WWTR1: variants seen among roughly 807,000 people sequenced by gnomAD.
WWTR1 encodes the protein WW domain-containing transcription regulator protein 1.
Under a neutral mutation model 40.1 loss-of-function variants are expected in WWTR1, and 13 were observed. The observed-to-expected ratio is 0.32, with a 90% confidence interval of 0.21 to 0.52. The LOEUF is 0.52. Ranked by LOEUF, WWTR1 falls within the 20% of genes least tolerant of loss-of-function variation. The probability of loss-of-function intolerance (pLI) is 0.97; values close to 1 mark genes in which losing one functional copy is unlikely to be tolerated. For missense variants in WWTR1, 436 were observed against 523.1 expected (o/e 0.83, Z 1.63); for synonymous variants, 230 against 210.1 (o/e 1.09, Z -0.82).
At chr3:149,564,964 G>A (rs1196563874) in intron 3 of WWTR1, among the ~76,000 whole-genome samples, 1 of 151,986 alleles carries the variant, frequency 6.6e-6, no homozygotes, top group African/African-American at 2.4e-5. Flanking sequence ...AGGCAGGTGG[G>A]TCACTTGAGG....
At chr3:149,617,836 A>C (rs1740060594) in intron 2 of WWTR1, among the ~76,000 whole-genome samples, 1 of 152,176 alleles carries the variant, frequency 6.6e-6, no homozygotes. Flanking sequence ...TCCATAAATC[A>C]TACCAATATT....
intron 1 of WWTR1, among the ~76,000 whole-genome samples, chr3:149,681,391 A>G (rs1384130086): frequency 6.6e-6 from 1 of 152,158 alleles, no homozygotes; most frequent in Non-Finnish European, 1.5e-5. Flanking sequence ...GTGAGGTGAT[A>G]CCTCATTGTG....
chr3:149,691,803 T>G (rs1361886195), intron 1 of WWTR1, among the ~76,000 whole-genome samples: 3 of 151,828 alleles, frequency 2.0e-5, no homozygotes, highest in Admixed American at 2.0e-4. Context: ...GATCACGAGG[T>G]CAGGAGATCG....
chr3:149,649,339 C>T (rs117623209), intron 2 of WWTR1, among the ~76,000 whole-genome samples: 1,530 of 152,298 alleles, frequency 0.01, 51 homozygotes, highest in Admixed American at 0.057. Context: ...GGCTAAAGAT[C>T]TTTTAGATGG....
chr3:149,521,922 A>C (rs915049662), intron 6 of WWTR1, among the ~76,000 whole-genome samples: 6 of 152,354 alleles, frequency 3.9e-5, no homozygotes, highest in South Asian at 4.1e-4. Flanking sequence ...GTAAAGTGCC[A>C]TATAGTGTCT....
At chr3:149,536,481 A>AG (rs1230165635) in intron 4 of WWTR1, among the ~76,000 whole-genome samples, 25 of 144,424 alleles carry the variant, frequency 1.7e-4, no homozygotes, top group African/African-American at 6.1e-4. Flanking sequence ...CAAAAAAAAA[A>AG]AGGGGGGGGC....
At chr3:149,691,337 A>G (rs1714820215) in intron 1 of WWTR1, among the ~76,000 whole-genome samples, 1 of 151,914 alleles carries the variant, frequency 6.6e-6, no homozygotes, top group Non-Finnish European at 1.5e-5. Flanking sequence ...ACAAAAATGA[A>G]ATTTAAAAAA....
chr3:149,521,925 T>C (rs1249745966), intron 6 of WWTR1, among the ~76,000 whole-genome samples: 1 of 152,188 alleles, frequency 6.6e-6, no homozygotes, highest in African/African-American at 2.4e-5. Context: ...AAGTGCCATA[T>C]AGTGTCTGCC....
chr3:149,552,091 G>T (rs1374244702), intron 3 of WWTR1, among the ~76,000 whole-genome samples: 1 of 145,398 alleles, frequency 6.9e-6, no homozygotes, highest in Non-Finnish European at 1.5e-5. Flanking sequence ...TGGACTCCTG[G>T]TTGAGCCATA....
At chr3:149,592,421 C>T (rs898603219) in intron 2 of WWTR1, among the ~76,000 whole-genome samples, 1 of 151,904 alleles carries the variant, frequency 6.6e-6, no homozygotes, top group African/African-American at 2.4e-5. Flanking sequence ...TATTTTATAC[C>T]CAACTGACCA....
At chr3:149,675,296 T>G (rs1314243663) in intron 1 of WWTR1, among the ~76,000 whole-genome samples, 1 of 152,248 alleles carries the variant, frequency 6.6e-6, no homozygotes, top group Admixed American at 6.5e-5. Flanking sequence ...GTGAGACGTC[T>G]GCTGAAGGAC....
At position 149,625,414 on chromosome 3, in the gene WWTR1, G is replaced by A. The variant is rs140243680; in HGVS notation, c.431+31462C>T. Among the ~76,000 whole-genome samples the A allele has an allele frequency of 2.5e-4, 37 of 150,792 alleles. No individual in the cohort carries two copies. The East Asian group carries it at 6.5e-3, about 27-fold the overall frequency. On this transcript the variant is annotated intron_variant, in intron 2 of 6. Coordinates refer to ENST00000360632, the MANE Select transcript of WWTR1 (RefSeq NM_015472.6). ...ATTACAGGCTTGAGCCACTGCGCCC[G>A]GCCAACTCTACCCTTTTTCATCCCT...
chr3:149,668,942 A>G (rs1023632977), intron 2 of WWTR1, among the ~76,000 whole-genome samples: 1 of 152,182 alleles, frequency 6.6e-6, no homozygotes, highest in Admixed American at 6.5e-5. Flanking sequence ...AACCTTGCTA[A>G]TGAATCCTCC....
chr3:149,600,619 C>G (rs757300118), intron 2 of WWTR1, among the ~76,000 whole-genome samples: 1 of 152,184 alleles, frequency 6.6e-6, no homozygotes, highest in Non-Finnish European at 1.5e-5. Context: ...AAATAAAGCA[C>G]CTTCCTCAAG....
intron 1 of WWTR1, among the ~76,000 whole-genome samples, chr3:149,673,345 G>A (rs4234375): frequency 0.57 from 86,653 of 151,762 alleles, 25,022 homozygotes; most frequent in Admixed American, 0.66. Context: ...TGATGTGTAC[G>A]TTATGTAAAA....
chr3:149,685,945 T>G (rs146567115), intron 1 of WWTR1, among the ~76,000 whole-genome samples: 7 of 152,286 alleles, frequency 4.6e-5, no homozygotes, highest in African/African-American at 1.2e-4. Context: ...TAGTCCACAA[T>G]GCAAAAAAAT....
At chr3:149,535,887 C>T (rs932954647) in intron 4 of WWTR1, among the ~76,000 whole-genome samples, 2 of 152,056 alleles carry the variant, frequency 1.3e-5, no homozygotes, top group African/African-American at 4.8e-5. Context: ...ATGATGCGCA[C>T]CTGTAATCCC....
chr3:149,586,776 A>G (rs946276479), intron 2 of WWTR1, among the ~76,000 whole-genome samples: 2 of 152,200 alleles, frequency 1.3e-5, no homozygotes, highest in Admixed American at 6.5e-5. Context: ...GGAAGGGAAG[A>G]GGGGCTGAAG....
intron 2 of WWTR1, among the ~76,000 whole-genome samples, chr3:149,607,055 T>G (rs1374172379): frequency 1.3e-5 from 2 of 152,196 alleles, no homozygotes; most frequent in Non-Finnish European, 2.9e-5. Context: ...TTTTTATTTG[T>G]AAAGCCCAAA....
Sources: gnomAD v4.1 joint callset for allele counts (sites outside exome capture counted in the v4.1 genomes callset) on GRCh38, gnomAD v4.1.1 for gene constraint, MANE v1.5 for transcripts, NCBI Gene and HGNC (gene_info 2026-07-23, HGNC 2026-07-21) for gene names.